The following GET4 variants were observed in gnomAD, a reference collection of about 807,000 sequenced individuals.
GET4 encodes guided entry of tail-anchored proteins factor 4, also known as Golgi to ER traffic protein 4 homolog.
GET4 carries 20 observed loss-of-function variants against 40.0 expected under a neutral mutation model. The ratio of observed to expected loss-of-function variants is 0.50; its 90% confidence interval spans 0.35 to 0.73. GET4 has a LOEUF of 0.73. Ranked by LOEUF, GET4 falls within the 30% of genes least tolerant of loss-of-function variation. GET4 has a pLI of 0.01. For synonymous variants in GET4, 280 were observed against 194.6 expected, an observed-to-expected ratio of 1.44 and a Z score of -3.65; for missense variants, 557 against 454.0, an observed-to-expected ratio of 1.23 and a Z score of -2.06.
chr7:876,662 C>G lies in GET4; in HGVS notation c.17C>G (p.Ala6Gly). The G allele has an allele frequency of 7.7e-7, 1 of 1,291,508 alleles. No homozygotes were observed. The highest frequency in any genetic ancestry group is 2.0e-5 in the South Asian group (1 of 50,882). The allele number at this position is 1,291,508 out of a possible 1,614,324, so 80.0% of individuals were successfully genotyped here. A position where few individuals can be genotyped will look rare whatever the true frequency, so the allele number is the denominator to read the frequency against. The change falls in exon 1 of 9, where the codon GCG becomes GGG. Residue 6 changes from alanine to glycine, a missense_variant. Coordinates refer to ENST00000265857, the MANE Select transcript of GET4 (RefSeq NM_015949.3). MAAAA[A>G]MAEQESARNG... Reference sequence around the variant, plus strand: ...GCCGGCCCGATGGCGGCGGCGGCGGCGATGGCCGAGCAGGAGAGCGCCCGG... The same window carrying G: ...GCCGGCCCGATGGCGGCGGCGGCGGGGATGGCCGAGCAGGAGAGCGCCCGG...
intron 3 of GET4, 110 bp from the exon 4 acceptor site, chr7:887,260 T>C (rs746733162): frequency 2.7e-6 from 3 of 1,111,590 alleles, no homozygotes; most frequent in Non-Finnish European, 2.8e-6. Flanking sequence ...CCCAGCAGGT[T>C]CCTCTCCCTG....
Position 890,908 on chromosome 7 carries a change from T to G in GET4, c.467-20T>G. 1 of 1,571,636 alleles carries G rather than the reference T, an allele frequency of 6.4e-7. No homozygotes were observed. The highest frequency in any genetic ancestry group is 8.8e-7 in the Non-Finnish European group (1 of 1,141,704). Reference sequence around the variant, plus strand: ...TATATTCGTGAAATGTATTTACATTTTTCTGTCTTTCCTTTGCAGAACAAA... The same window carrying G: ...TATATTCGTGAAATGTATTTACATTGTTCTGTCTTTCCTTTGCAGAACAAA... On this transcript the variant is annotated intron_variant, in intron 4 of 8. Coordinates refer to ENST00000265857, the MANE Select transcript of GET4 (RefSeq NM_015949.3).
rs1199027827 is a variant in GET4 at position 887,350 on chromosome 7, A to C, written c.317-20A>C. On this transcript the variant is annotated intron_variant, in intron 3 of 8. Coordinates refer to ENST00000265857, the MANE Select transcript of GET4 (RefSeq NM_015949.3). Reference sequence around the variant, plus strand: ...GGAGTGGCCGTGCGTTCCTCTGATGAGGGTCTGTGCTGTTTGCAGAAAATC... The same window carrying C: ...GGAGTGGCCGTGCGTTCCTCTGATGCGGGTCTGTGCTGTTTGCAGAAAATC... 1 of 1,572,246 alleles carries C rather than the reference A, an allele frequency of 6.4e-7. No homozygotes were observed. Among genetic ancestry groups the C allele is most frequent in the Non-Finnish European group, 8.7e-7 (1 of 1,154,870 alleles).
At chr7:893,007 T>TGTGTGCAGGTGAGTGTTGGGC (rs1844365160) in intron 6 of GET4, among the ~76,000 whole-genome samples, 1 of 147,976 alleles carries the variant, frequency 6.8e-6, no homozygotes. Flanking sequence ...GGCGTGGTGG[T>TGTGTGCAGGTGAGTGTTGGGC]GTTTGCAGGT....
At chr7:887,068 G>T in intron 3 of GET4, 1 of 607,624 alleles carries the variant, frequency 1.6e-6, no homozygotes, top group Non-Finnish European at 3.1e-6. Flanking sequence ...GATGCCCCGG[G>T]CCAGAGCCAG....
At chr7:887,623 G>T (rs759433972) in intron 4 of GET4, 104 bp downstream of exon 4, 2 of 914,926 alleles carry the variant, frequency 2.2e-6, no homozygotes, top group African/African-American at 3.4e-5. Flanking sequence ...CAGAGATGGG[G>T]TTTCACCCTG....
intron 1 of GET4, chr7:878,165 G>C: frequency 4.7e-6 from 2 of 429,866 alleles, no homozygotes; most frequent in South Asian, 3.4e-5. Context: ...CCTGGAGGGC[G>C]AGCGCGAGCA....
intron 1 of GET4, among the ~76,000 whole-genome samples, chr7:877,171 C>G (rs1416599761): frequency 6.6e-6 from 1 of 151,290 alleles, no homozygotes; most frequent in Non-Finnish European, 1.5e-5. Flanking sequence ...CTGTCTCTCT[C>G]CGGCCGCCTC....
chr7:885,269 T>C (rs1034744361), intron 1 of GET4: 3 of 152,260 alleles, frequency 2.0e-5, no homozygotes, highest in Non-Finnish European at 4.4e-5. Flanking sequence ...ACCACTGGAC[T>C]GGGAGGTGCA....
intron 5 of GET4, among the ~76,000 whole-genome samples, 181 bp from the exon 6 acceptor site, chr7:892,097 C>G (rs1402543663): frequency 1.3e-5 from 2 of 152,272 alleles, no homozygotes; most frequent in Non-Finnish European, 1.5e-5. Flanking sequence ...GAATTGCAGG[C>G]TTCCCTGGTG....
rs180693659 is a variant in GET4, at chr7:878,037, T to A, written c.155+1237T>A. Reference sequence around the variant, plus strand: ...CTCCGTAGGAAGTCGCTGGCGTTCCTCTCACCGAGGGTCCAGGCTGAGGGT... The same window carrying A: ...CTCCGTAGGAAGTCGCTGGCGTTCCACTCACCGAGGGTCCAGGCTGAGGGT... On this transcript the variant is annotated intron_variant, in intron 1 of 8. Coordinates refer to ENST00000265857, the MANE Select transcript of GET4 (RefSeq NM_015949.3). 1.6e-3 allele frequency: 423 copies of A among 258,280 alleles called. 1 individual carries two copies. Among genetic ancestry groups the A allele is most frequent in the African/African-American group, 8.9e-3 (392 of 43,924 alleles). 16.0% of individuals were successfully genotyped at this position (258,280 alleles called of 1,614,324 possible).
chr7:886,248 C>A, intron 2 of GET4, 114 bp downstream of exon 2: 1 of 718,926 alleles, frequency 1.4e-6, no homozygotes, highest in South Asian at 1.6e-5. Flanking sequence ...GGGCCTCGGC[C>A]ACTGGGGCTG....
At position 886,038 on chromosome 7, in the gene GET4, G is replaced by T; in HGVS notation, c.156-18G>T. 4 of 1,534,396 alleles carry T rather than the reference G, an allele frequency of 2.6e-6. No individual in the cohort carries two copies. Among genetic ancestry groups the T allele is most frequent in the African/African-American group, 1.4e-5 (1 of 73,572 alleles). ...CGAGGGCACGTGGGCGTGGCTCACG[G>T]TCTCCTCTCTGTGGCAGGTACATGT... On this transcript the variant is annotated intron_variant, in intron 1 of 8. Coordinates refer to ENST00000265857, the MANE Select transcript of GET4 (RefSeq NM_015949.3).
chr7:883,547 T>C (rs896733344), intron 1 of GET4: 1 of 985,390 alleles, frequency 1.0e-6, no homozygotes, highest in Non-Finnish European at 1.2e-6. Flanking sequence ...TACAGATGTT[T>C]TGGCCGGCAG....
At chr7:882,408 A>C (rs1000812705) in intron 1 of GET4, 2 of 152,358 alleles carry the variant, frequency 1.3e-5, no homozygotes, top group African/African-American at 2.4e-5. Context: ...TGTGCCCCGC[A>C]GAAGTCGGGC....
At chr7:893,225 CGTGGGCGTG>C (rs1844375934) in intron 6 of GET4, among the ~76,000 whole-genome samples, 6 of 49,576 alleles carry the variant, frequency 1.2e-4, no homozygotes, top group Non-Finnish European at 1.9e-4. Flanking sequence ...GAGTGTTGGG[CGTGGGCGTG>C]GTGGTGTGTG....
At chr7:892,015 G>A (rs954616838) in intron 5 of GET4, among the ~76,000 whole-genome samples, 6 of 152,250 alleles carry the variant, frequency 3.9e-5, no homozygotes, top group South Asian at 2.1e-4. Flanking sequence ...AGTGCGTCAC[G>A]TAGTCAGGGC....
chr7:877,705 C>T (rs1249714582), intron 1 of GET4, among the ~76,000 whole-genome samples: 2 of 125,590 alleles, frequency 1.6e-5, no homozygotes, highest in Admixed American at 7.7e-5. Context: ...ATCTCCCTGC[C>T]CGGCCTCCCC....
intron 1 of GET4, 105 bp downstream of exon 1, chr7:876,905 C>T: frequency 1.9e-6 from 1 of 528,168 alleles, no homozygotes. Context: ...CGCTGCCCGT[C>T]GCGGGGGCGA....
Sources: allele counts gnomAD v4.1 joint callset (sites outside exome capture counted in the v4.1 genomes callset), GRCh38; gene constraint gnomAD v4.1.1; transcripts MANE v1.5; gene names NCBI Gene and HGNC (gene_info 2026-07-23, HGNC 2026-07-21).